Variants in KMT2C observed in about 807,000 individuals in gnomAD.
The protein encoded by KMT2C is lysine methyltransferase 2C.
In KMT2C, 88 loss-of-function variants were observed where a neutral mutation model predicts 507.9. That is an observed-to-expected ratio of 0.17 (90% CI 0.15 to 0.21). KMT2C has a LOEUF of 0.21. Ranked by LOEUF, KMT2C falls within the 10% of genes least tolerant of loss-of-function variation. The probability of loss-of-function intolerance (pLI) is 1.00; values close to 1 mark genes in which losing one functional copy is unlikely to be tolerated. For missense variants in KMT2C, 4,954 were observed against 5,957.8 expected, an observed-to-expected ratio of 0.83 and a Z score of 5.55; for synonymous variants, 2,049 against 2,080.8, an observed-to-expected ratio of 0.98 and a Z score of 0.42.
chr7:152,296,565 T>C (rs1291218624), intron 6 of KMT2C, among the ~76,000 whole-genome samples: 1 of 152,000 alleles, frequency 6.6e-6, no homozygotes, highest in Non-Finnish European at 1.5e-5. Flanking sequence ...AATGCTATCC[T>C]GAGAGTACAA....
At chr7:152,260,462 G>T (rs2095749931) in intron 9 of KMT2C, among the ~76,000 whole-genome samples, 1 of 152,066 alleles carries the variant, frequency 6.6e-6, no homozygotes, top group African/African-American at 2.4e-5. Context: ...TGTAAAGAAG[G>T]TAATTTTTTA....
chr7:152,369,095 G>A (rs111867476), intron 1 of KMT2C, among the ~76,000 whole-genome samples: 1 of 152,046 alleles, frequency 6.6e-6, no homozygotes, highest in Non-Finnish European at 1.5e-5. Flanking sequence ...GGCCAAGGCA[G>A]GCAGATCACT....
chr7:152,384,030 G>A (rs555719470), intron 1 of KMT2C, among the ~76,000 whole-genome samples: 2 of 150,078 alleles, frequency 1.3e-5, no homozygotes, highest in South Asian at 2.1e-4. Flanking sequence ...GATCCGAGAG[G>A]CAGACATGTG....
At chr7:152,367,718 T>C (rs752438745) in intron 1 of KMT2C, 42 of 1,234,212 alleles carry the variant, frequency 3.4e-5, no homozygotes, top group Non-Finnish European at 4.5e-5. Context: ...TAGTGGATAA[T>C]AGTAATTGCT....
chr7:152,145,303 G>A lies in KMT2C; in HGVS notation c.14032-8C>T, dbSNP rs766708070. 6.2e-7 allele frequency: 1 copy of A among 1,613,354 alleles called. No individual in the cohort carries two copies. Among genetic ancestry groups the A allele is most frequent in the Non-Finnish European group, 8.5e-7 (1 of 1,179,636 alleles). On this transcript the variant is annotated splice_polypyrimidine_tract_variant and splice_region_variant and intron_variant, in intron 53 of 58. Coordinates refer to ENST00000262189, the MANE Select transcript of KMT2C (RefSeq NM_170606.3). ...TGCCTCAACCCCAGGAAGCTGAAAA[G>A]AAGCAAAGCAGACACAAAGTCACCC...
chr7:152,226,183 T>C (rs1208450153), intron 18 of KMT2C, among the ~76,000 whole-genome samples: 1 of 149,154 alleles, frequency 6.7e-6, no homozygotes, highest in Non-Finnish European at 1.5e-5. Context: ...GACGTGGAGG[T>C]AGAGTAAGAC....
At chr7:152,373,161 AAC>A (rs575200772) in intron 1 of KMT2C, among the ~76,000 whole-genome samples, 239 of 152,316 alleles carry the variant, frequency 1.6e-3, no homozygotes, top group Non-Finnish European at 2.9e-3. Context: ...GCAGAAAAAA[AAC>A]AGATATAAAT....
At position 152,174,244 on chromosome 7, in the gene KMT2C, T is replaced by A; in HGVS notation, c.9263-2A>T. 6.8e-7 allele frequency: 1 copy of A among 1,463,724 alleles called. No individual in the cohort carries two copies. Among genetic ancestry groups the A allele is most frequent in the Non-Finnish European group, 9.5e-7 (1 of 1,051,242 alleles). 90.7% of individuals were successfully genotyped at this position (1,463,724 alleles called of 1,614,324 possible). A position where few individuals can be genotyped will look rare whatever the true frequency, so the allele number is the denominator to read the frequency against. On this transcript the variant is annotated splice_acceptor_variant, in intron 38 of 58. Transcript: ENST00000262189. LOFTEE classifies it high-confidence loss of function. ...TAGGATCTGTAATTGCATCAAAATC[T>A]AGAAAAGAAATATAAAGTTACTTAT...
chr7:152,306,237 C>G (rs573568460), intron 6 of KMT2C, among the ~76,000 whole-genome samples: 55 of 152,258 alleles, frequency 3.6e-4, no homozygotes, highest in African/African-American at 1.3e-3. Flanking sequence ...TCTCCTGCAT[C>G]TGGGTAGGTG....
intron 6 of KMT2C, among the ~76,000 whole-genome samples, chr7:152,293,049 C>G (rs938405607): frequency 6.6e-6 from 1 of 152,138 alleles, no homozygotes; most frequent in Non-Finnish European, 1.5e-5. Flanking sequence ...GGAAATAACA[C>G]TTATACTACC....
chr7:152,354,062 G>T (rs1306065991), intron 2 of KMT2C, among the ~76,000 whole-genome samples: 1 of 152,060 alleles, frequency 6.6e-6, no homozygotes, highest in Non-Finnish European at 1.5e-5. Flanking sequence ...AAAAGAAGTG[G>T]ACAATGGACT....
At chr7:152,252,751 G>T (rs770643678) in intron 9 of KMT2C, 36 bp from the exon 10 acceptor site, 57 of 1,476,008 alleles carry the variant, frequency 3.9e-5, no homozygotes, top group South Asian at 3.1e-4. Flanking sequence ...AAAACAGTTT[G>T]TTATGCATTT....
Position 152,138,148 on chromosome 7 carries a change from G to A in KMT2C, c.14643+648C>T, listed in dbSNP as rs2090098386. The A allele has an allele frequency of 6.6e-6, 1 of 152,294 alleles. No individual in the cohort carries two copies. The highest frequency in any genetic ancestry group is 2.1e-4 in the South Asian group (1 of 4,834). 9.4% of individuals were successfully genotyped at this position (152,294 alleles called of 1,614,324 possible). On this transcript the variant is annotated intron_variant, in intron 58 of 58. Transcript: ENST00000262189. This position sits in a 1 kb window ranked among gnomAD's most constrained non-coding sequence, Gnocchi z 4.2. ...AAGGTACCTGAATCACAGTGGGAAA[G>A]ACCAAGGTGGGAAGCAAATGCAGCA...
At chr7:152,186,467 T>C (rs2093630453) in intron 33 of KMT2C, among the ~76,000 whole-genome samples, 1 of 152,242 alleles carries the variant, frequency 6.6e-6, no homozygotes. Flanking sequence ...AAACCACTGA[T>C]TTCTATTGTT....
chr7:152,380,991 T>C (rs2097369229), intron 1 of KMT2C, among the ~76,000 whole-genome samples: 2 of 152,270 alleles, frequency 1.3e-5, no homozygotes, highest in Non-Finnish European at 2.9e-5. Flanking sequence ...CAAAAAGTAT[T>C]AGAATCATTT....
chr7:152,178,041 A>AAAAAAAAAAAAGC (rs759074589), intron 37 of KMT2C, 31 bp from the exon 38 acceptor site: 3 of 1,276,142 alleles, frequency 2.4e-6, no homozygotes, highest in Non-Finnish European at 3.1e-6. Flanking sequence ...AAAAAAAAAA[A>AAAAAAAAAAAAGC]AGCAAATAGG....
chr7:152,428,400 G>A (rs533145014), intron 1 of KMT2C, among the ~76,000 whole-genome samples: 69 of 149,184 alleles, frequency 4.6e-4, no homozygotes, highest in African/African-American at 1.6e-3. Context: ...ATCACCTGAG[G>A]TCAGGAGTTC....
rs746492799 is a variant in KMT2C at position 152,435,848 on chromosome 7, GGCCGCC to G, written c.-68_-63del. On this transcript the variant is annotated 5_prime_UTR_variant, in exon 1 of 59. Coordinates refer to ENST00000262189, the MANE Select transcript of KMT2C (RefSeq NM_170606.3). ...CCTCCTGGGGGGCTCCCGCCGCCGC[GGCCGCC>G]GCCGCCGCCGCTGCTGCTCGGGTTC... is the stretch of plus-strand genomic sequence containing the variant. The G allele has an allele frequency of 1.2e-4, 170 of 1,360,048 alleles. No individual in the cohort carries two copies. The highest frequency in any genetic ancestry group is 2.5e-4 in the Admixed American group (7 of 28,078). 84.2% of individuals were successfully genotyped at this position (1,360,048 alleles called of 1,614,324 possible).
At position 152,215,445 on chromosome 7, in the gene KMT2C, C is replaced by T. The variant is rs1178439745; in HGVS notation, c.3712+5078G>A. On this transcript the variant is annotated intron_variant, in intron 23 of 58. Coordinates refer to ENST00000262189, the MANE Select transcript of KMT2C (RefSeq NM_170606.3). ...AGGAGAATGGCGTGAACCCAGGAGG[C>T]GGAGCTTGCAGTGAGCAAAGATCGT... Among the ~76,000 whole-genome samples the T allele has an allele frequency of 7.7e-5, 10 of 129,212 alleles. No individual in the cohort carries two copies. In the South Asian group the frequency reaches 8.1e-4, roughly 10 times the overall value. The allele number at this position is 129,212 out of a possible 152,430, so 84.8% of individuals were successfully genotyped here. A position where few individuals can be genotyped will look rare whatever the true frequency, so the allele number is the denominator to read the frequency against.
Sources: allele counts gnomAD v4.1 joint callset (sites outside exome capture counted in the v4.1 genomes callset), GRCh38; gene constraint gnomAD v4.1.1; non-coding constraint Gnocchi (gnomAD v3.1); transcripts MANE v1.5; gene names NCBI Gene and HGNC (gene_info 2026-07-23, HGNC 2026-07-21).